The following XDH variants were observed in gnomAD, a reference collection of about 807,000 sequenced individuals.
XDH encodes the protein xanthine dehydrogenase.
XDH carries 138 observed loss-of-function variants against 156.1 expected under a neutral mutation model. The ratio of observed to expected loss-of-function variants is 0.88; its 90% confidence interval spans 0.77 to 1.02. XDH has a LOEUF of 1.02. XDH is among the 50% of genes least tolerant of loss of function. The pLI is 0.00. For synonymous variants in XDH, 669 were observed against 625.7 expected, an observed-to-expected ratio of 1.07 and a Z score of -1.03; for missense variants, 1,849 against 1,684.9, an observed-to-expected ratio of 1.10 and a Z score of -1.71.
intron 13 of XDH, 35 bp from the exon 14 acceptor site, chr2:31,377,272 T>A: frequency 6.2e-7 from 1 of 1,613,198 alleles, no homozygotes; most frequent in South Asian, 1.1e-5. Context: ...GTTTTCCACC[T>A]TGCTCTGTAG....
At chr2:31,368,459 A>T in intron 19 of XDH, 82 bp downstream of exon 19, 1 of 1,572,426 alleles carries the variant, frequency 6.4e-7, no homozygotes, top group Non-Finnish European at 8.7e-7. Flanking sequence ...TGCTGCTCAA[A>T]TCCCCTCCAG....
At chr2:31,411,155 C>G (rs1187331410) in intron 1 of XDH, among the ~76,000 whole-genome samples, 1 of 151,544 alleles carries the variant, frequency 6.6e-6, no homozygotes, top group Admixed American at 6.6e-5. Flanking sequence ...CGGTGGTGGG[C>G]GCCTGTAATC....
At chr2:31,362,798 G>A (rs1685810271) in intron 24 of XDH, among the ~76,000 whole-genome samples, 1 of 152,202 alleles carries the variant, frequency 6.6e-6, no homozygotes, top group Non-Finnish European at 1.5e-5. Context: ...GCTCACCACA[G>A]ATTCAGCAAT....
Position 31,342,299 on chromosome 2 carries a change from T to A in XDH, c.3405-2A>T, listed in dbSNP as rs1685145872. ...AAGCTGTAGCCCAGATTGGGTGTTC[T>A]GGGAGAGGAAAGAGAAGGTACTGCA... On this transcript the variant is annotated splice_acceptor_variant, in intron 31 of 35. Transcript: ENST00000379416. LOFTEE classifies it high-confidence loss of function. 2 of 1,613,288 alleles carry A rather than the reference T, an allele frequency of 1.2e-6. No homozygotes were observed. Among genetic ancestry groups the A allele is most frequent in the Middle Eastern group, 3.3e-4 (2 of 6,062 alleles).
Position 31,347,545 on chromosome 2 carries a change from C to A in XDH, c.3253G>T (p.Asp1085Tyr). 1 of 1,614,076 alleles carries A rather than the reference C, an allele frequency of 6.2e-7. No homozygotes were observed. The highest frequency in any genetic ancestry group is 8.5e-7 in the Non-Finnish European group (1 of 1,180,022). ...TSPTAASVSA[D>Y]LNGQAVYAAC... Reference sequence around the variant, plus strand: ...ACATAGACGGCCTGTCCATTGAGGTCAGCGCTGACAGAGGCAGCCGTGGGA... The same window carrying A: ...ACATAGACGGCCTGTCCATTGAGGTAAGCGCTGACAGAGGCAGCCGTGGGA... Residue 1085 changes from aspartate (D) to tyrosine (Y), a missense_variant, in exon 29 of 36, where the codon GAC becomes TAC. Asp to Tyr is a radical substitution (Grantham distance 160). Coordinates refer to ENST00000379416, the MANE Select transcript of XDH (RefSeq NM_000379.4).
chr2:31,383,895 C>T (rs774182530), intron 9 of XDH, 48 bp from the exon 10 acceptor site: 2 of 1,557,486 alleles, frequency 1.3e-6, no homozygotes, highest in South Asian at 1.1e-5. Context: ...GTTGTATCAC[C>T]AGGGCAGGCC....
intron 2 of XDH, among the ~76,000 whole-genome samples, chr2:31,404,287 C>CA (rs1407080496): frequency 6.6e-6 from 1 of 152,194 alleles, no homozygotes. Flanking sequence ...GCAGGTCAAA[C>CA]AACTTTGGGG....
At chr2:31,358,705 C>T (rs1685691725) in intron 24 of XDH, among the ~76,000 whole-genome samples, 1 of 152,072 alleles carries the variant, frequency 6.6e-6, no homozygotes, top group Admixed American at 6.5e-5. Flanking sequence ...CAAAATTCAA[C>T]ACCCATTCAT....
chr2:31,354,369 T>C lies in XDH; in HGVS notation c.2632-4146A>G, dbSNP rs145214967. 5.9e-3 allele frequency among the ~76,000 whole-genome samples: 901 copies of C among 152,190 alleles called. 25 individuals are homozygous for C. Among genetic ancestry groups the C allele is most frequent in the East Asian group, 0.045 (233 of 5,164 alleles). On this transcript the variant is annotated intron_variant, in intron 24 of 35. Coordinates refer to ENST00000379416, the MANE Select transcript of XDH (RefSeq NM_000379.4). ...GGTTTCTCCAAGTTTCAGTGAAAAA[T>C]CACTTGTCATACCAAGTGATAGGAA...
At chr2:31,410,076 G>T (rs1434228930) in intron 1 of XDH, among the ~76,000 whole-genome samples, 1 of 152,150 alleles carries the variant, frequency 6.6e-6, no homozygotes, top group African/African-American at 2.4e-5. Context: ...AGGAATTTTT[G>T]ACATATGCTA....
intron 24 of XDH, among the ~76,000 whole-genome samples, 185 bp from the exon 25 acceptor site, chr2:31,350,408 C>T (rs1312333456): frequency 5.3e-5 from 7 of 132,282 alleles, no homozygotes; most frequent in Non-Finnish European, 7.7e-5. Context: ...GATGGAGTCT[C>T]GCTCTGTCAC....
intron 24 of XDH, among the ~76,000 whole-genome samples, chr2:31,351,499 A>C (rs1685480158): frequency 6.6e-6 from 1 of 152,100 alleles, no homozygotes. Context: ...TTCAGCTGTT[A>C]CCTAAGGATT....
chr2:31,379,921 G>A lies in XDH; in HGVS notation c.1188C>T (p.Thr396=), dbSNP rs1686385132. ...GCAGTATCTCCTCCGGGCTCAGCAG[G>A]GTCTTTCTGTAGCCAGGGAAGAAGG... ...DHTFFPGYRK[T]LLSPEEILLS... is the part of the protein sequence containing the mutation. Residue 396 remains threonine (T), a synonymous_variant, in exon 13 of 36, where the codon ACC becomes ACT. Coordinates refer to ENST00000379416, the MANE Select transcript of XDH (RefSeq NM_000379.4). 6.2e-7 allele frequency: 1 copy of A among 1,614,058 alleles called. No individual in the cohort carries two copies. Among genetic ancestry groups the A allele is most frequent in the Non-Finnish European group, 8.5e-7 (1 of 1,180,048 alleles).
At chr2:31,391,047 T>A (rs1282581264) in intron 6 of XDH, among the ~76,000 whole-genome samples, 2 of 152,224 alleles carry the variant, frequency 1.3e-5, no homozygotes. Flanking sequence ...TAAAAAGTCA[T>A]CATCATTCCA....
rs545686434 is a variant in XDH at position 31,347,654 on chromosome 2, C to T, written c.3148-4G>A. ...TTTTCAGAGCTCTACTGGCCACCTG[C>T]GAAAAGAGAAGACATTGCCCTCTAG... On this transcript the variant is annotated splice_region_variant and splice_polypyrimidine_tract_variant and intron_variant, in intron 28 of 35. Coordinates refer to ENST00000379416, the MANE Select transcript of XDH (RefSeq NM_000379.4). 13 of 1,613,052 alleles carry T rather than the reference C, an allele frequency of 8.1e-6. No homozygotes were observed. The highest frequency in any genetic ancestry group is 6.6e-5 in the South Asian group (6 of 90,990).
intron 23 of XDH, among the ~76,000 whole-genome samples, 158 bp from the exon 24 acceptor site, chr2:31,364,402 A>G (rs1331360280): frequency 6.6e-6 from 1 of 152,148 alleles, no homozygotes; most frequent in Admixed American, 6.5e-5. Flanking sequence ...AGTCACCAGA[A>G]GGTAACAAGT....
At chr2:31,372,766 T>C (rs1456039273) in intron 16 of XDH, among the ~76,000 whole-genome samples, 4 of 152,174 alleles carry the variant, frequency 2.6e-5, no homozygotes, top group East Asian at 1.9e-4. Flanking sequence ...AAAACATTTG[T>C]GTTTGTGTTT....
At chr2:31,367,906 T>C in intron 20 of XDH, 55 bp downstream of exon 20, 1 of 1,555,286 alleles carries the variant, frequency 6.4e-7, no homozygotes, top group Non-Finnish European at 8.9e-7. Flanking sequence ...ATCTCTTGAA[T>C]TTAATTTGCA....
intron 11 of XDH, 56 bp from the exon 12 acceptor site, chr2:31,381,782 G>C (rs937937267): frequency 2.7e-6 from 4 of 1,498,878 alleles, no homozygotes; most frequent in Non-Finnish European, 2.7e-6. Flanking sequence ...CCCTGCTCAC[G>C]TAGCAGGCTC....
Sources: gnomAD v4.1 joint callset for allele counts (sites outside exome capture counted in the v4.1 genomes callset) on GRCh38, gnomAD v4.1.1 for gene constraint, MANE v1.5 for transcripts, NCBI Gene and HGNC (gene_info 2026-07-23, HGNC 2026-07-21) for gene names.